SHROOM2: variants seen among roughly 807,000 people sequenced by gnomAD.
SHROOM2 encodes the protein protein Shroom2.
A neutral mutation model predicts 75.9 loss-of-function variants in SHROOM2; 33 were observed. The observed-to-expected ratio is 0.43, with a 90% CI of 0.33 to 0.58. SHROOM2 has a LOEUF of 0.58. Among genes scored for constraint, SHROOM2 ranks in the 20% least tolerant of loss-of-function variants. The pLI is 0.04. For synonymous variants in SHROOM2, 655 were observed against 663.6 expected, an observed-to-expected ratio of 0.99 and a Z score of 0.20; for missense variants, 1,434 against 1,461.2, an observed-to-expected ratio of 0.98 and a Z score of 0.30.
rs368840731 is a variant in SHROOM2 at position 9,895,062 on chromosome X, C to T, written c.1154C>T (p.Pro385Leu). The T allele has an allele frequency of 7.7e-5, 93 of 1,205,585 alleles. No individual in the cohort carries two copies. Among genetic ancestry groups the T allele is most frequent in the Non-Finnish European group, 1.0e-4 (92 of 893,010 alleles). The change falls in exon 4 of 10, where the codon CCG becomes CTG. Residue 385 changes from proline to leucine, a missense_variant. Transcript: ENST00000380913. The stretch of plus-strand genomic sequence containing the variant: ...AGCCTCGGGAAGGGATCGGGAGGCC[C>T]GGGCTGCCCACAGGAGGCCCACGCA... ...PGSLGKGSGG[P>L]GCPQEAHADG... is the part of the protein sequence containing the mutation.
At chrX:9,890,895 C>A in intron 2 of SHROOM2, 82 bp from the exon 3 acceptor site, 5 of 1,018,238 alleles carry the variant, frequency 4.9e-6, no homozygotes, top group Non-Finnish European at 6.6e-6. Context: ...TGTGCGGTCC[C>A]CAAGCCCCCT....
At chrX:9,938,855 C>T (rs998605968) in intron 7 of SHROOM2, among the ~76,000 whole-genome samples, 1 of 111,718 alleles carries the variant, frequency 9.0e-6, no homozygotes, top group African/African-American at 3.3e-5. Context: ...TTGTAGATAG[C>T]GTCACACATG....
At chrX:9,891,525 C>A (rs2084292138) in intron 3 of SHROOM2, among the ~76,000 whole-genome samples, 1 of 112,599 alleles carries the variant, frequency 8.9e-6, no homozygotes. Flanking sequence ...AGCCTCTCCT[C>A]AACCCTCTTG....
Position 9,898,193 on chromosome X carries a change from G to T in SHROOM2, c.2794G>T (p.Ala932Ser), listed in dbSNP as rs61752518. 3,676 of 1,178,453 alleles carry T rather than the reference G, an allele frequency of 3.1e-3. 79 individuals are homozygous for T. The African/African-American group carries it at 0.059, about 19-fold the overall frequency. Residue 932 changes from alanine to serine, a missense_variant, in exon 5 of 10, where the codon GCT (alanine) becomes TCT (serine). Around this residue, in one of 3 missense-constraint regions of SHROOM2, gnomAD observed 1,340 missense variants for 1,338.3 expected, o/e 1.00. Coordinates refer to ENST00000380913, the MANE Select transcript of SHROOM2 (RefSeq NM_001649.4). ...CTCATTATGTTGCCCTTTGCAGGAA[G>T]CTTCTGTCGAACTGCGAAGGCAGGC... ...SPSTDHYKQE[A>S]SVELRRQAGD...
intron 1 of SHROOM2, among the ~76,000 whole-genome samples, chrX:9,845,677 A>G (rs2084002351): frequency 9.1e-6 from 1 of 109,320 alleles, no homozygotes; most frequent in Non-Finnish European, 1.9e-5. Flanking sequence ...GGCTCCCGTC[A>G]CCCTCCTTTC....
chrX:9,902,087 A>G (rs1296019187), intron 5 of SHROOM2, among the ~76,000 whole-genome samples: 4 of 110,427 alleles, frequency 3.6e-5, no homozygotes, highest in African/African-American at 6.6e-5. Context: ...GATGAGATGT[A>G]GGGATGCATG....
chrX:9,830,704 C>T (rs771512616), intron 1 of SHROOM2, among the ~76,000 whole-genome samples: 19 of 98,537 alleles, frequency 1.9e-4, no homozygotes, highest in Non-Finnish European at 2.2e-4. Flanking sequence ...TGGGTTCGAG[C>T]GATTCTCCTG....
Position 9,894,610 on chromosome X carries a change from C to T in SHROOM2, c.702C>T (p.Asn234=). The stretch of plus-strand genomic sequence containing the variant: ...AAGCCGACACGTCCTCCGCAGAGAA[C>T]ATCCTCTACACTGTGGGCCTCTGGG... The part of the protein sequence containing the change: ...LSKADTSSAE[N]ILYTVGLWEA... The change falls in exon 4 of 10, where the codon AAC becomes AAT. Residue 234 remains asparagine, a synonymous_variant. Coordinates refer to ENST00000380913, the MANE Select transcript of SHROOM2 (RefSeq NM_001649.4). The T allele has an allele frequency of 8.2e-7, 1 of 1,212,233 alleles. No individual in the cohort carries two copies. The highest frequency in any genetic ancestry group is 1.1e-6 in the Non-Finnish European group (1 of 895,581).
chrX:9,795,306 C>G (rs1397729863), intron 1 of SHROOM2, among the ~76,000 whole-genome samples: 1 of 111,137 alleles, frequency 9.0e-6, no homozygotes, highest in Non-Finnish European at 1.9e-5. Flanking sequence ...TTTTGCATTT[C>G]TTTGTATTTT....
At chrX:9,881,922 G>A (rs928814422) in intron 2 of SHROOM2, among the ~76,000 whole-genome samples, 1 of 112,029 alleles carries the variant, frequency 8.9e-6, no homozygotes, top group Non-Finnish European at 1.9e-5. Flanking sequence ...GTAACCATGG[G>A]CTCTGGGAAG....
At chrX:9,788,060 C>T (rs2083626295) in intron 1 of SHROOM2, among the ~76,000 whole-genome samples, 1 of 107,041 alleles carries the variant, frequency 9.3e-6, no homozygotes, top group South Asian at 4.2e-4. Context: ...AGATGTGCGC[C>T]ACCATGCCTG....
intron 1 of SHROOM2, among the ~76,000 whole-genome samples, chrX:9,847,653 C>T (rs2084013421): frequency 1.8e-5 from 2 of 111,897 alleles, no homozygotes; most frequent in Non-Finnish European, 1.9e-5. Flanking sequence ...GTGTAAGCCT[C>T]GGCCAGTCCT....
intron 5 of SHROOM2, among the ~76,000 whole-genome samples, chrX:9,930,097 C>T (rs892168689): frequency 3.6e-5 from 4 of 111,386 alleles, no homozygotes; most frequent in South Asian, 3.8e-4. Flanking sequence ...TAATACCTGG[C>T]GCTTTTAAAT....
intron 1 of SHROOM2, among the ~76,000 whole-genome samples, chrX:9,803,845 G>T (rs2083737336): frequency 9.0e-6 from 1 of 111,593 alleles, no homozygotes; most frequent in South Asian, 3.7e-4. Flanking sequence ...AGCAGTGCTG[G>T]TGAGAATCTG....
intron 1 of SHROOM2, among the ~76,000 whole-genome samples, chrX:9,870,948 G>A (rs771448113): frequency 9.8e-5 from 11 of 111,901 alleles, no homozygotes; most frequent in Non-Finnish European, 1.9e-4. Flanking sequence ...GAAGTCTTAG[G>A]GTCCGGAGTT....
At chrX:9,924,150 T>C (rs1213832672) in intron 5 of SHROOM2, among the ~76,000 whole-genome samples, 1 of 112,026 alleles carries the variant, frequency 8.9e-6, no homozygotes, top group Non-Finnish European at 1.9e-5. Context: ...TTCAGGGCTG[T>C]TGTCCTCCCT....
chrX:9,850,794 T>C (rs2084034820), intron 1 of SHROOM2, among the ~76,000 whole-genome samples: 1 of 100,053 alleles, frequency 1.0e-5, no homozygotes, highest in Admixed American at 1.2e-4. Flanking sequence ...ATCGTGCCAC[T>C]GCACTCCAGC....
chrX:9,884,594 T>C (rs6640539), intron 2 of SHROOM2, among the ~76,000 whole-genome samples: 23,491 of 104,769 alleles, frequency 0.22, 2,805 homozygotes, highest in African/African-American at 0.41. Context: ...CTTGAACTCC[T>C]GGGCTCAAAC....
At chrX:9,817,731 T>TA (rs2146746460) in intron 1 of SHROOM2, among the ~76,000 whole-genome samples, 1 of 112,237 alleles carries the variant, frequency 8.9e-6, no homozygotes, top group East Asian at 2.8e-4. Context: ...AGATAAAACT[T>TA]ATGTAGTACT....
Sources: gnomAD v4.1 joint callset for allele counts (sites outside exome capture counted in the v4.1 genomes callset) on GRCh38, gnomAD v4.1.1 for gene constraint, gnomAD v4.1.1 regional missense constraint, MANE v1.5 for transcripts, NCBI Gene and HGNC (gene_info 2026-07-23, HGNC 2026-07-21) for gene names.